LRP1: variants seen among roughly 807,000 people sequenced by gnomAD.
The protein encoded by LRP1 is LDL receptor related protein 1.
LRP1 carries 51 observed loss-of-function variants against 541.5 expected under a neutral mutation model. That is an observed-to-expected ratio of 0.09 (90% CI 0.08 to 0.12). The LOEUF (loss-of-function observed/expected upper bound fraction) is 0.12, where lower values mean the gene tolerates loss of function less well. Ranked by LOEUF, LRP1 falls within the 10% of genes least tolerant of loss-of-function variation. The pLI, the probability that LRP1 is intolerant of heterozygous loss-of-function variation, is 1.00. For missense variants in LRP1, 3,878 were observed against 6,376.2 expected (o/e 0.61, Z 13.34); for synonymous variants, 2,219 against 2,470.8 (o/e 0.90, Z 3.02).
intron 62 of LRP1, 68 bp from the exon 63 acceptor site, chr12:57,200,374 C>A: frequency 2.1e-6 from 2 of 968,798 alleles, no homozygotes; most frequent in East Asian, 2.5e-5. Context: ...CATCCAAGCC[C>A]CTCAAAAGAA....
Position 57,169,166 on chromosome 12 carries a change from G to A in LRP1, c.3022G>A (p.Glu1008Lys). ...CAATGACTGTGGGGACAACAGTGACGAAGCCGGCTGCAGCCACTCCTGTTC... is the reference window on the plus strand; with the variant it reads ...CAATGACTGTGGGGACAACAGTGACAAAGCCGGCTGCAGCCACTCCTGTTC... ...NDNDCGDNSD[E>K]AGCSHSCSST... The change falls in exon 20 of 89, where the codon GAA becomes AAA. Residue 1008 changes from glutamate to lysine, a missense_variant. Coordinates refer to ENST00000243077, the MANE Select transcript of LRP1 (RefSeq NM_002332.3). The A allele has an allele frequency of 6.2e-7, 1 of 1,611,926 alleles. No homozygotes were observed. Among genetic ancestry groups the A allele is most frequent in the Non-Finnish European group, 8.5e-7 (1 of 1,178,262 alleles).
chr12:57,183,867 G>A lies in LRP1; in HGVS notation c.5887G>A (p.Gly1963Ser), dbSNP rs755242603. The A allele has an allele frequency of 3.1e-6, 5 of 1,614,084 alleles. No individual in the cohort carries two copies. In the South Asian group the frequency reaches 5.5e-5, roughly 18 times the overall value. The change falls in exon 36 of 89, where the codon GGC (glycine) becomes AGC (serine). Residue 1963 changes from glycine (G) to serine (S), a missense_variant. This residue lies in a region of LRP1 where 394 missense variants were observed against 635.9 expected (regional missense o/e 0.62). Coordinates refer to ENST00000243077, the MANE Select transcript of LRP1 (RefSeq NM_002332.3). The surrounding 1 kb of genome is among the most constrained non-coding windows in gnomAD (Gnocchi z 6.1). ...QTWREDVVTN[G>S]IGRVEGIAVD... ...GTGGCGTGAAGACGTGGTGACCAAT[G>A]GCATTGGCCGTGTGGAGGGCATTGC... is the stretch of plus-strand genomic sequence containing the variant.
rs139515611 is a variant in LRP1, at chr12:57,170,749, G to A, written c.3163+1442G>A. Among the ~76,000 whole-genome samples, 868 of 152,300 alleles carry A rather than the reference G, an allele frequency of 5.7e-3. 1 individual carries two copies. The highest frequency in any genetic ancestry group is 9.5e-3 in the Non-Finnish European group (645 of 68,032). On this transcript the variant is annotated intron_variant, in intron 20 of 88. Coordinates refer to ENST00000243077, the MANE Select transcript of LRP1 (RefSeq NM_002332.3). The stretch of plus-strand genomic sequence containing the variant: ...GGTGAGAGGTTGAGCCCAGGAGGTT[G>A]AGGCTGCAGTGAGCTGTGAGCTCGC...
In LRP1 at chr12:57,197,107, G is replaced by C. The variant is rs1040675761; in HGVS notation, c.9018G>C (p.Leu3006=). Residue 3006 remains leucine (L), a synonymous_variant, in exon 56 of 89, where the codon CTG becomes CTC. Coordinates refer to ENST00000243077, the MANE Select transcript of LRP1 (RefSeq NM_002332.3). The surrounding 1 kb of genome is among the most constrained non-coding windows in gnomAD (Gnocchi z 4.5). Reference sequence around the variant, plus strand: ...ACACTCATGGCAGCTATAAGTGTCTGTGTGTGGAGGGCTATGCACCCCGCG... The same window carrying C: ...ACACTCATGGCAGCTATAAGTGTCTCTGTGTGGAGGGCTATGCACCCCGCG... ...CINTHGSYKC[L]CVEGYAPRGG... 5 of 1,613,962 alleles carry C rather than the reference G, an allele frequency of 3.1e-6. No individual in the cohort carries two copies. The Admixed American group carries it at 6.7e-5, about 22-fold the overall frequency.
At position 57,158,252 on chromosome 12, in the gene LRP1, C is replaced by T. The variant is rs142639073; in HGVS notation, c.1562-150C>T. 4,144 of 679,716 alleles carry T rather than the reference C, an allele frequency of 6.1e-3. 32 individuals carry two copies. The highest frequency in any genetic ancestry group is 8.8e-3 in the Non-Finnish European group (3,413 of 386,960). 42.1% of individuals were successfully genotyped at this position (679,716 alleles called of 1,614,324 possible). ...CCATCGTCCTGTATGTTAGCGTGTG[C>T]GTGGTCTGTCCATCTGACCCAGAGC... On this transcript the variant is annotated intron_variant, in intron 10 of 88. Transcript: ENST00000243077. This position sits in a 1 kb window ranked among gnomAD's most constrained non-coding sequence, Gnocchi z 5.3.
In LRP1 at chr12:57,173,677, T is replaced by C; in HGVS notation, c.3347-103T>C. ...GGGGTTCCTCGTGGACCCCACAGCG[T>C]TGCAATCCTGACCCTATTAGAGAAG... is the stretch of plus-strand genomic sequence containing the variant. On this transcript the variant is annotated intron_variant, in intron 21 of 88. Transcript: ENST00000243077. The surrounding 1 kb of genome is among the most constrained non-coding windows in gnomAD (Gnocchi z 4.7). The C allele has an allele frequency of 8.0e-7, 1 of 1,257,804 alleles. No homozygotes were observed. The highest frequency in any genetic ancestry group is 2.3e-5 in the East Asian group (1 of 42,930). 77.9% of individuals were successfully genotyped at this position (1,257,804 alleles called of 1,614,324 possible).
intron 5 of LRP1, 52 bp downstream of exon 5, chr12:57,145,152 T>C (rs756563574): frequency 1.5e-5 from 24 of 1,613,312 alleles, no homozygotes; most frequent in Non-Finnish European, 1.9e-5. Context: ...CTCAATGCTG[T>C]TCCCTGGTGG....
In LRP1 at chr12:57,173,640, C is replaced by A; in HGVS notation, c.3347-140C>A. 2 of 863,330 alleles carry A rather than the reference C, an allele frequency of 2.3e-6. No homozygotes were observed. Among genetic ancestry groups the A allele is most frequent in the Non-Finnish European group, 3.6e-6 (2 of 550,202 alleles). The allele number at this position is 863,330 out of a possible 1,614,324, so 53.5% of individuals were successfully genotyped here. A position where few individuals can be genotyped will look rare whatever the true frequency, so the allele number is the denominator to read the frequency against. On this transcript the variant is annotated intron_variant, in intron 21 of 88. Transcript: ENST00000243077. This position sits in a 1 kb window ranked among gnomAD's most constrained non-coding sequence, Gnocchi z 4.7. ...TGTTTGTTGCCTATGTGAATTTGACCCAAAAAGCCTCGGGGTTCCTCGTGG... is the reference window on the plus strand; with the variant it reads ...TGTTTGTTGCCTATGTGAATTTGACACAAAAAGCCTCGGGGTTCCTCGTGG...
chr12:57,156,815 C>T lies in LRP1; in HGVS notation c.1456C>T (p.Pro486Ser), dbSNP rs773157202. The part of the protein sequence containing the change: ...HACENDQYGK[P>S]GGCSDICLLA... The stretch of plus-strand genomic sequence containing the variant: ...CTGTGAAAACGACCAGTATGGGAAG[C>T]CGGGTGGCTGCTCTGACATCTGCCT... The change falls in exon 10 of 89, where the codon CCG becomes TCG. Residue 486 changes from proline to serine, a missense_variant. By Grantham distance (74) the Pro-to-Ser change is moderately conservative. Around this residue, in one of 13 missense-constraint regions of LRP1, gnomAD observed 496 missense variants for 861.0 expected, o/e 0.58. Transcript: ENST00000243077. The surrounding 1 kb of genome is among the most constrained non-coding windows in gnomAD (Gnocchi z 5.2). 5.6e-6 allele frequency: 9 copies of T among 1,609,184 alleles called. No individual in the cohort carries two copies. In the African/African-American group the frequency reaches 9.3e-5, roughly 17 times the overall value.
chr12:57,192,030 A>G (rs1388859997), intron 44 of LRP1, among the ~76,000 whole-genome samples: 1 of 121,896 alleles, frequency 8.2e-6, no homozygotes, highest in African/African-American at 3.1e-5. Context: ...CCTACCACCC[A>G]CAACACACAT....
At chr12:57,152,771 G>A (rs922282239) in intron 6 of LRP1, among the ~76,000 whole-genome samples, 1 of 152,196 alleles carries the variant, frequency 6.6e-6, no homozygotes, top group Non-Finnish European at 1.5e-5. Context: ...ATTTAGCAGA[G>A]AGGACCTGAA....
At position 57,197,371 on chromosome 12, in the gene LRP1, C is replaced by T. The variant is rs747113284; in HGVS notation, c.9149C>T (p.Thr3050Met). 3.1e-6 allele frequency: 5 copies of T among 1,613,096 alleles called. No individual in the cohort carries two copies. In the South Asian group the frequency reaches 3.3e-5, roughly 11 times the overall value. ...RKLNLDGSNY[T>M]LLKQGLNNAV... ...CTCAACCTGGACGGGTCCAACTACA[C>T]GTTACTTAAGCAGGTACCAAACCCA... is the stretch of plus-strand genomic sequence containing the variant. The change falls in exon 57 of 89, where the codon ACG becomes ATG. Residue 3050 changes from threonine (T) to methionine (M), a missense_variant. Transcript: ENST00000243077. This position sits in a 1 kb window ranked among gnomAD's most constrained non-coding sequence, Gnocchi z 4.5.
rs1281286094 is a variant in LRP1, at chr12:57,141,340, G to C, written c.191-34G>C. ...GCTGACCAGAGAGCCACCATAGCCA[G>C]CTTGTTCATGCCCACCCTTCTGTCT... On this transcript the variant is annotated intron_variant, in intron 2 of 88. Coordinates refer to ENST00000243077, the MANE Select transcript of LRP1 (RefSeq NM_002332.3). 3 of 1,613,538 alleles carry C rather than the reference G, an allele frequency of 1.9e-6. No homozygotes were observed. In the South Asian group the frequency reaches 3.3e-5, roughly 18 times the overall value.
intron 55 of LRP1, among the ~76,000 whole-genome samples, 164 bp downstream of exon 55, chr12:57,196,441 C>T (rs2036535963): frequency 1.3e-5 from 2 of 152,120 alleles, no homozygotes; most frequent in Non-Finnish European, 2.9e-5. Context: ...AGGTAGAGAG[C>T]CAGCAGATTT....
chr12:57,153,679 A>G (rs1343955337), intron 6 of LRP1, among the ~76,000 whole-genome samples: 2 of 152,162 alleles, frequency 1.3e-5, no homozygotes, highest in Non-Finnish European at 2.9e-5. Flanking sequence ...TCCCTTTGGC[A>G]TCTCTGTAGA....
chr12:57,165,550 C>T lies in LRP1; in HGVS notation c.2531-255C>T. On this transcript the variant is annotated intron_variant, in intron 15 of 88. Transcript: ENST00000243077. The surrounding 1 kb of genome is among the most constrained non-coding windows in gnomAD (Gnocchi z 4.5). ...GACAGAGGTATAGAGGCCATGGGCTCTCTTGGACACCATTTGATTCTCAGG... is the reference window on the plus strand; with the variant it reads ...GACAGAGGTATAGAGGCCATGGGCTTTCTTGGACACCATTTGATTCTCAGG... 4.4e-6 allele frequency: 2 copies of T among 457,154 alleles called. No homozygotes were observed. The highest frequency in any genetic ancestry group is 5.3e-5 in the South Asian group (2 of 37,872). 28.3% of individuals were successfully genotyped at this position (457,154 alleles called of 1,614,324 possible). A position where few individuals can be genotyped will look rare whatever the true frequency, so the allele number is the denominator to read the frequency against.
intron 67 of LRP1, 139 bp from the exon 68 acceptor site, chr12:57,202,282 C>A (rs2036672802): frequency 2.7e-6 from 2 of 735,152 alleles, no homozygotes; most frequent in South Asian, 3.1e-5. Context: ...TCTCAAAACA[C>A]CGCCTGGGCT....
intron 68 of LRP1, 79 bp from the exon 69 acceptor site, chr12:57,203,102 G>A (rs1271261013): frequency 9.4e-7 from 1 of 1,060,658 alleles, no homozygotes; most frequent in East Asian, 2.6e-5. Context: ...ATGGGCCTTG[G>A]GCTCGGGACT....
At position 57,206,857 on chromosome 12, in the gene LRP1, A is replaced by C. The variant is rs894998745; in HGVS notation, c.11859+116A>C. ...CGCAGTGGCTCACGCCTATAATCCC[A>C]GCACTTTGGGAGGCCAAGGCGGGCA... On this transcript the variant is annotated intron_variant, in intron 76 of 88. Transcript: ENST00000243077. This position sits in a 1 kb window ranked among gnomAD's most constrained non-coding sequence, Gnocchi z 4.7. 2.4e-6 allele frequency: 3 copies of C among 1,253,086 alleles called. No individual in the cohort carries two copies. The highest frequency in any genetic ancestry group is 1.5e-5 in the African/African-American group (1 of 67,290). 77.6% of individuals were successfully genotyped at this position (1,253,086 alleles called of 1,614,324 possible). A position where few individuals can be genotyped will look rare whatever the true frequency, so the allele number is the denominator to read the frequency against.
Sources: gnomAD v4.1 joint callset for allele counts (sites outside exome capture counted in the v4.1 genomes callset) on GRCh38, gnomAD v4.1.1 for gene constraint, gnomAD v4.1.1 regional missense constraint, Gnocchi (gnomAD v3.1) non-coding constraint, MANE v1.5 for transcripts, NCBI Gene and HGNC (gene_info 2026-07-23, HGNC 2026-07-21) for gene names.